Variants in TGFBR2 observed in about 807,000 individuals in gnomAD.
TGFBR2 encodes the protein TGF-beta receptor type-2.
A neutral mutation model predicts 49.0 loss-of-function variants in TGFBR2; 18 were observed. The observed-to-expected ratio is 0.37, with a 90% CI of 0.25 to 0.54. The LOEUF (loss-of-function observed/expected upper bound fraction) is 0.54, where lower values mean the gene tolerates loss of function less well. Among genes scored for constraint, TGFBR2 ranks in the 20% least tolerant of loss-of-function variants. The probability of loss-of-function intolerance (pLI) is 0.85; values close to 1 mark genes in which losing one functional copy is unlikely to be tolerated. For synonymous variants in TGFBR2, 282 were observed against 275.9 expected (o/e 1.02, Z -0.22); for missense variants, 525 against 722.6 (o/e 0.73, Z 3.13).
chr3:30,623,161 C>T (rs1559449253), intron 1 of TGFBR2: 1 of 1,131,402 alleles, frequency 8.8e-7, no homozygotes, highest in Non-Finnish European at 1.3e-6. Flanking sequence ...ATTTTAAAAA[C>T]AGCTCTCTGA....
intron 4 of TGFBR2, among the ~76,000 whole-genome samples, chr3:30,673,013 T>C (rs978872371): frequency 6.6e-6 from 1 of 152,216 alleles, no homozygotes; most frequent in African/African-American, 2.4e-5. Flanking sequence ...AAGAAACTAT[T>C]GGAAGGTGAT....
intron 1 of TGFBR2, among the ~76,000 whole-genome samples, chr3:30,607,811 T>TATTATATATATATAAATATATATATA (rs1697953134): frequency 7.2e-6 from 1 of 139,664 alleles, no homozygotes; most frequent in Non-Finnish European, 1.5e-5. Context: ...TATATATATA[T>TATTATATATATATAAATATATATATA]ATTATATATA....
intron 2 of TGFBR2, among the ~76,000 whole-genome samples, chr3:30,649,438 C>T (rs1403570425): frequency 6.6e-6 from 1 of 152,038 alleles, no homozygotes; most frequent in Non-Finnish European, 1.5e-5. Context: ...TTCCTAGGGC[C>T]CAAGGAAAAT....
At chr3:30,610,206 A>C (rs566983095) in intron 1 of TGFBR2, among the ~76,000 whole-genome samples, 4 of 152,334 alleles carry the variant, frequency 2.6e-5, no homozygotes, top group African/African-American at 9.6e-5. Flanking sequence ...TTGCCATTGA[A>C]TTTAACAGCT....
chr3:30,657,358 T>C (rs1442450608), intron 3 of TGFBR2, among the ~76,000 whole-genome samples: 2 of 152,176 alleles, frequency 1.3e-5, no homozygotes, highest in Admixed American at 6.5e-5. Flanking sequence ...ACTGTTTCCA[T>C]GTCCGTGAGA....
At chr3:30,664,659 C>T (rs1027698590) in intron 3 of TGFBR2, among the ~76,000 whole-genome samples, 5 of 152,210 alleles carry the variant, frequency 3.3e-5, no homozygotes, top group Admixed American at 6.5e-5. Flanking sequence ...TGCATGTGCG[C>T]ACACACATGC....
chr3:30,645,125 G>A (rs868833767), intron 2 of TGFBR2, among the ~76,000 whole-genome samples: 2 of 151,966 alleles, frequency 1.3e-5, no homozygotes, highest in Admixed American at 6.6e-5. Flanking sequence ...GTATATAAAC[G>A]TATCATGATT....
chr3:30,674,143 A>G lies in TGFBR2; in HGVS notation c.1293A>G (p.Glu431=), dbSNP rs774384466. The change falls in exon 5 of 7, where the codon GAA becomes GAG. Residue 431 remains glutamate (E), a synonymous_variant. Transcript: ENST00000295754. ...GATACATGGCTCCAGAAGTCCTAGA[A>G]TCCAGGATGAATTTGGAGAATGTTG... The part of the protein sequence containing the change: ...TARYMAPEVL[E]SRMNLENVES... 5 of 1,614,070 alleles carry G rather than the reference A, an allele frequency of 3.1e-6. No homozygotes were observed. In the African/African-American group the frequency reaches 4.0e-5, roughly 13 times the overall value.
At chr3:30,628,489 C>T (rs1698375527) in intron 1 of TGFBR2, among the ~76,000 whole-genome samples, 2 of 85,036 alleles carry the variant, frequency 2.4e-5, no homozygotes, top group Non-Finnish European at 4.6e-5. Context: ...TGACTTAAAT[C>T]CTCCAAAAAA....
chr3:30,658,792 C>T (rs1359690926), intron 3 of TGFBR2, among the ~76,000 whole-genome samples: 4 of 152,172 alleles, frequency 2.6e-5, no homozygotes, highest in South Asian at 2.1e-4. Flanking sequence ...GTATCAGACA[C>T]GCGGTTTCCT....
At chr3:30,667,973 T>G (rs1232527950) in intron 3 of TGFBR2, among the ~76,000 whole-genome samples, 2 of 152,156 alleles carry the variant, frequency 1.3e-5, no homozygotes, top group Admixed American at 6.5e-5. Context: ...TAGTAAATAT[T>G]TTAGGCTTTC....
chr3:30,619,823 C>G (rs569761897), intron 1 of TGFBR2, among the ~76,000 whole-genome samples: 35 of 152,276 alleles, frequency 2.3e-4, no homozygotes, highest in African/African-American at 8.4e-4. Flanking sequence ...CATAGCCTCT[C>G]CGACAAGCCT....
At chr3:30,648,920 GCT>G (rs1477412249) in intron 2 of TGFBR2, among the ~76,000 whole-genome samples, 1 of 152,160 alleles carries the variant, frequency 6.6e-6, no homozygotes, top group African/African-American at 2.4e-5. Context: ...GGTCAAAGTT[GCT>G]CTTTCTCTCA....
At position 30,691,703 on chromosome 3, in the gene TGFBR2, A is replaced by T; in HGVS notation, c.*104A>T. On this transcript the variant is annotated 3_prime_UTR_variant, in exon 7 of 7. Coordinates refer to ENST00000295754, the MANE Select transcript of TGFBR2 (RefSeq NM_003242.6). ...TGAACTGATGCTTCCTGGAAAACCA[A>T]GGGGGTCACTCCCCTCCCTGTAAGC... 1 of 1,334,464 alleles carries T rather than the reference A, an allele frequency of 7.5e-7. No homozygotes were observed. The highest frequency in any genetic ancestry group is 1.4e-5 in the African/African-American group (1 of 69,354). 82.7% of individuals were successfully genotyped at this position (1,334,464 alleles called of 1,614,324 possible).
intron 2 of TGFBR2, among the ~76,000 whole-genome samples, chr3:30,649,931 T>C (rs959321723): frequency 2.0e-5 from 3 of 152,212 alleles, no homozygotes; most frequent in African/African-American, 7.2e-5. Flanking sequence ...AATGTTCTTT[T>C]TTTCCATGTC....
chr3:30,685,636 G>T (rs1248744835), intron 5 of TGFBR2, among the ~76,000 whole-genome samples: 2 of 152,134 alleles, frequency 1.3e-5, no homozygotes, highest in Admixed American at 6.5e-5. Flanking sequence ...AAGAGAATTG[G>T]ACTGTTAAAC....
intron 1 of TGFBR2, among the ~76,000 whole-genome samples, chr3:30,615,231 A>T (rs1698108840): frequency 6.6e-6 from 1 of 152,118 alleles, no homozygotes; most frequent in Non-Finnish European, 1.5e-5. Context: ...GCTCAGGTGG[A>T]TTTACTGTGA....
At chr3:30,662,077 T>C (rs1488846855) in intron 3 of TGFBR2, among the ~76,000 whole-genome samples, 3 of 152,164 alleles carry the variant, frequency 2.0e-5, no homozygotes, top group Non-Finnish European at 4.4e-5. Context: ...TCTCATCCCA[T>C]AGAAAACGGA....
chr3:30,673,717 T>C (rs747663181), intron 4 of TGFBR2, among the ~76,000 whole-genome samples: 1 of 146,454 alleles, frequency 6.8e-6, no homozygotes, highest in Non-Finnish European at 1.5e-5. Context: ...TCTTGGAGTT[T>C]CAGGAATAAA....
Sources: allele counts gnomAD v4.1 joint callset (sites outside exome capture counted in the v4.1 genomes callset), GRCh38; gene constraint gnomAD v4.1.1; transcripts MANE v1.5; gene names NCBI Gene and HGNC (gene_info 2026-07-23, HGNC 2026-07-21).